Variants in DNAJC7 observed in about 807,000 individuals in gnomAD.
DNAJC7 encodes the protein dnaJ homolog subfamily C member 7.
A neutral mutation model predicts 67.4 loss-of-function variants in DNAJC7; 18 were observed. The ratio of observed to expected loss-of-function variants is 0.27; its 90% CI spans 0.18 to 0.40. The LOEUF (loss-of-function observed/expected upper bound fraction) is 0.40. DNAJC7 is among the 10% of genes least tolerant of loss of function. The pLI is 1.00. For missense variants in DNAJC7, 419 were observed against 613.8 expected (o/e 0.68, Z 3.35); for synonymous variants, 220 against 207.8 (o/e 1.06, Z -0.50).
chr17:42,012,391 G>A (rs888495971), intron 1 of DNAJC7, among the ~76,000 whole-genome samples: 4 of 152,226 alleles, frequency 2.6e-5, no homozygotes, highest in Non-Finnish European at 1.5e-5. Context: ...GCTGAGGCAG[G>A]AGAATCATTT....
rs1181610368 is a variant in DNAJC7 at position 41,976,790 on chromosome 17, T to C, written c.1448-20A>G. On this transcript the variant is annotated intron_variant, in intron 13 of 13. Transcript: ENST00000457167. ...CAGATGCTGAAAGAGAAAAGAGGGG[T>C]TGGTAGTTGGCTATGGATTTTCTAA... The C allele has an allele frequency of 4.4e-6, 7 of 1,606,094 alleles. No individual in the cohort carries two copies. Among genetic ancestry groups the C allele is most frequent in the Non-Finnish European group, 5.9e-6 (7 of 1,178,216 alleles).
chr17:42,017,129 C>CAG, intron 1 of DNAJC7: 1 of 1,469,586 alleles, frequency 6.8e-7, no homozygotes, highest in Non-Finnish European at 9.0e-7. Flanking sequence ...GGCCATGCCT[C>CAG]AGCTCCTACG....
At chr17:41,997,367 C>G (rs1567964163) in intron 2 of DNAJC7, 128 bp from the exon 3 acceptor site, 4 of 1,186,822 alleles carry the variant, frequency 3.4e-6, no homozygotes, top group Middle Eastern at 2.8e-4. Flanking sequence ...GAGGGGAGAC[C>G]ACTTGAGGTC....
At position 41,976,600 on chromosome 17, in the gene DNAJC7, G is replaced by A; in HGVS notation, c.*133C>T. The A allele has an allele frequency of 1.7e-6, 2 of 1,152,294 alleles. No individual in the cohort carries two copies. The highest frequency in any genetic ancestry group is 1.5e-5 in the South Asian group (1 of 67,546). The allele number at this position is 1,152,294 out of a possible 1,614,324, so 71.4% of individuals were successfully genotyped here. A position where few individuals can be genotyped will look rare whatever the true frequency, so the allele number is the denominator to read the frequency against. On this transcript the variant is annotated 3_prime_UTR_variant, in exon 14 of 14. Coordinates refer to ENST00000457167, the MANE Select transcript of DNAJC7 (RefSeq NM_003315.4). ...GCTCCACCCCACTCACAGAGACACA[G>A]GGCATCCAACTGAGAAAACGAAACT... is the stretch of plus-strand genomic sequence containing the variant.
intron 1 of DNAJC7, 54 bp downstream of exon 1, chr17:42,017,286 C>T (rs1555652094): frequency 1.2e-6 from 2 of 1,607,866 alleles, no homozygotes; most frequent in Admixed American, 1.7e-5. Flanking sequence ...GAACGAGTTT[C>T]CCTGAGCCAC....
intron 1 of DNAJC7, chr17:42,011,887 G>A (rs531015018): frequency 7.2e-5 from 11 of 152,318 alleles, no homozygotes; most frequent in African/African-American, 2.6e-4. Context: ...CAAACGAACA[G>A]CAACTACAGG....
At chr17:41,997,389 AC>A in intron 2 of DNAJC7, 150 bp from the exon 3 acceptor site, 1 of 878,266 alleles carries the variant, frequency 1.1e-6, no homozygotes. Flanking sequence ...GGAGTTCAAG[AC>A]CAGCCTAGTC....
intron 9 of DNAJC7, chr17:41,984,321 T>C (rs1205456394): frequency 6.8e-6 from 1 of 147,542 alleles, no homozygotes; most frequent in Non-Finnish European, 1.5e-5. Context: ...TTTTTTTTTT[T>C]GAGATGGAGT....
Position 41,987,901 on chromosome 17 carries a change from G to A in DNAJC7, c.928C>T (p.Leu310=), listed in dbSNP as rs1336473963. The A allele has an allele frequency of 1.8e-5, 29 of 1,610,464 alleles. No individual in the cohort carries two copies. Among genetic ancestry groups the A allele is most frequent in the Non-Finnish European group, 2.3e-5 (27 of 1,178,494 alleles). The change falls in exon 9 of 14, where the codon CTA becomes TTA. Residue 310 remains leucine, a synonymous_variant. Coordinates refer to ENST00000457167, the MANE Select transcript of DNAJC7 (RefSeq NM_003315.4). ...RGTVNSKLRK[L]DDAIEDCTNA... Reference sequence around the variant, plus strand: ...GTGCAGTCTTCTATTGCATCATCTAGTTTCCTAAGCTTCAGGAGAGAGAGA... The same window carrying A: ...GTGCAGTCTTCTATTGCATCATCTAATTTCCTAAGCTTCAGGAGAGAGAGA...
chr17:41,991,150 G>T (rs1426996150), intron 5 of DNAJC7, among the ~76,000 whole-genome samples: 1 of 152,126 alleles, frequency 6.6e-6, no homozygotes, highest in Non-Finnish European at 1.5e-5. Context: ...TGTCCTCTGA[G>T]CTTTCAGTTT....
At chr17:41,998,969 T>C (rs2051732583) in intron 2 of DNAJC7, among the ~76,000 whole-genome samples, 2 of 152,234 alleles carry the variant, frequency 1.3e-5, no homozygotes, top group South Asian at 4.1e-4. Context: ...GAGGATCGCT[T>C]GAGCCCAGGA....
chr17:42,010,508 T>C (rs2052089075), intron 1 of DNAJC7, among the ~76,000 whole-genome samples: 2 of 151,988 alleles, frequency 1.3e-5, no homozygotes, highest in South Asian at 4.2e-4. Flanking sequence ...TATATATATA[T>C]AAAGGCTGCT....
chr17:41,997,314 C>G (rs1483401233), intron 2 of DNAJC7, 75 bp from the exon 3 acceptor site: 2 of 1,529,828 alleles, frequency 1.3e-6, no homozygotes, highest in African/African-American at 2.7e-5. Context: ...GGGGGCTGGG[C>G]GCAGTGGCTC....
chr17:41,996,840 TA>T (rs568047808), intron 3 of DNAJC7, among the ~76,000 whole-genome samples: 40 of 152,286 alleles, frequency 2.6e-4, no homozygotes, highest in African/African-American at 9.1e-4. Context: ...ACTACAGCAG[TA>T]GTTCTCAACC....
At position 42,009,482 on chromosome 17, in the gene DNAJC7, T is replaced by A. The variant is rs572759313; in HGVS notation, c.77+7858A>T. On this transcript the variant is annotated intron_variant, in intron 1 of 13. Coordinates refer to ENST00000457167, the MANE Select transcript of DNAJC7 (RefSeq NM_003315.4). Reference sequence around the variant, plus strand: ...AAGAAAAAGCAAGCAACCAATTCAATCCCTACAGAAATCCCATCACTGCAG... The same window carrying A: ...AAGAAAAAGCAAGCAACCAATTCAAACCCTACAGAAATCCCATCACTGCAG... 2.0e-5 allele frequency among the ~76,000 whole-genome samples: 3 copies of A among 152,142 alleles called. No homozygotes were observed. In the South Asian group the frequency reaches 6.2e-4, roughly 31 times the overall value.
intron 3 of DNAJC7, among the ~76,000 whole-genome samples, chr17:41,996,663 C>T (rs1555648688): frequency 6.6e-6 from 1 of 152,040 alleles, no homozygotes; most frequent in Non-Finnish European, 1.5e-5. Flanking sequence ...AAAAATTAGC[C>T]GGGTGTGGTG....
intron 13 of DNAJC7, 68 bp downstream of exon 13, chr17:41,977,193 C>G (rs556827604): frequency 6.1e-6 from 9 of 1,471,584 alleles, no homozygotes; most frequent in Non-Finnish European, 8.4e-6. Flanking sequence ...TCCCAAAGAG[C>G]TGCCTAAGAG....
chr17:41,997,334 A>G, intron 2 of DNAJC7, 95 bp from the exon 3 acceptor site: 3 of 1,473,102 alleles, frequency 2.0e-6, no homozygotes, highest in Non-Finnish European at 2.7e-6. Context: ...CATGCCCATA[A>G]TCCCAGTACT....
At chr17:42,017,310 G>A in intron 1 of DNAJC7, 30 bp downstream of exon 1, 1 of 1,610,360 alleles carries the variant, frequency 6.2e-7, no homozygotes. Context: ...GCTGCAGGTC[G>A]CCTCCTCTAC....
Sources: gnomAD v4.1 joint callset for allele counts (sites outside exome capture counted in the v4.1 genomes callset) on GRCh38, gnomAD v4.1.1 for gene constraint, MANE v1.5 for transcripts, NCBI Gene and HGNC (gene_info 2026-07-23, HGNC 2026-07-21) for gene names.